SLC2A9: variants seen among roughly 807,000 people sequenced by gnomAD.
The protein encoded by SLC2A9 is solute carrier family 2 member 9.
In SLC2A9, 39 loss-of-function variants were observed where a neutral mutation model predicts 50.6. That is an observed-to-expected ratio of 0.77 (90% CI 0.60 to 1.01). The LOEUF (loss-of-function observed/expected upper bound fraction) is 1.01, where lower values mean the gene tolerates loss of function less well. SLC2A9 is among the 50% of genes least tolerant of loss of function. The probability of loss-of-function intolerance (pLI) is 0.00; values close to 1 mark genes in which losing one functional copy is unlikely to be tolerated. For missense variants in SLC2A9, 686 were observed against 677.6 expected, an observed-to-expected ratio of 1.01 and a Z score of -0.14; for synonymous variants, 324 against 276.9, an observed-to-expected ratio of 1.17 and a Z score of -1.69.
chr4:9,824,931 T>C (rs1047953309), downstream of SLC2A9, among the ~76,000 whole-genome samples: 1 of 152,070 alleles, frequency 6.6e-6, no homozygotes, highest in Admixed American at 6.6e-5. Flanking sequence ...GTGCATTGAG[T>C]TGGCAATTAA....
chr4:9,981,853 C>A (rs1755937039), intron 4 of SLC2A9, among the ~76,000 whole-genome samples: 1 of 152,034 alleles, frequency 6.6e-6, no homozygotes. Context: ...ATCTCAAAAT[C>A]CTTCAGGTTT....
intron 8 of SLC2A9, among the ~76,000 whole-genome samples, chr4:9,900,833 C>G (rs1384194208): frequency 6.6e-6 from 1 of 152,056 alleles, no homozygotes; most frequent in Non-Finnish European, 1.5e-5. Context: ...CTTATAAAAC[C>G]ATCAGCTCTC....
At chr4:9,905,995 G>A (rs1740594091) in intron 8 of SLC2A9, among the ~76,000 whole-genome samples, 1 of 152,142 alleles carries the variant, frequency 6.6e-6, no homozygotes, top group South Asian at 2.1e-4. Context: ...CTCTCCACAA[G>A]GATGTCCATC....
At position 9,941,961 on chromosome 4, in the gene SLC2A9, G is replaced by A; in HGVS notation, c.766C>T (p.Pro256Ser). 1 of 1,614,186 alleles carries A rather than the reference G, an allele frequency of 6.2e-7. No individual in the cohort carries two copies. Residue 256 changes from proline to serine, a missense_variant, in exon 6 of 12, where the codon CCA becomes TCA. Coordinates refer to ENST00000264784, the MANE Select transcript of SLC2A9 (RefSeq NM_020041.3). Reference protein sequence around the residue: ...LLSLPFLPDSPRYLLLEKHNE... With the variant: ...LLSLPFLPDSSRYLLLEKHNE... The stretch of plus-strand genomic sequence containing the variant: ...TGCTTCTCCAAGAGCAGGTAGCGTG[G>A]GCTGTCCGGGAGAAAGGGAAGGCTC...
chr4:10,037,263 T>A (rs1354163762), intron 1 of SLC2A9, among the ~76,000 whole-genome samples: 1 of 152,208 alleles, frequency 6.6e-6, no homozygotes, highest in East Asian at 1.9e-4. Flanking sequence ...ACCACTGAAC[T>A]GTGTTCTGCC....
At chr4:9,785,589 C>A (rs1719115775) in intron 3 of SLC2A9, among the ~76,000 whole-genome samples, 1 of 152,220 alleles carries the variant, frequency 6.6e-6, no homozygotes, top group Admixed American at 6.5e-5. Context: ...TTCTAGGCTC[C>A]AGTTTAAATG....
chr4:9,919,773 G>A (rs1743561093), intron 7 of SLC2A9, among the ~76,000 whole-genome samples: 1 of 152,210 alleles, frequency 6.6e-6, no homozygotes, highest in Non-Finnish European at 1.5e-5. Flanking sequence ...CACTCCATTT[G>A]TCAGAAGCAA....
intron 11 of SLC2A9, among the ~76,000 whole-genome samples, chr4:9,827,006 T>C (rs1197138090): frequency 6.6e-6 from 1 of 152,200 alleles, no homozygotes; most frequent in African/African-American, 2.4e-5. Flanking sequence ...AATGCCTTAG[T>C]TCATAGGAAG....
intron 10 of SLC2A9, among the ~76,000 whole-genome samples, chr4:9,876,046 CAG>C (rs1734269192): frequency 6.6e-6 from 1 of 152,306 alleles, no homozygotes; most frequent in East Asian, 1.9e-4. Flanking sequence ...GCTTTGTCGA[CAG>C]GGGTGAGAAC....
intron 6 of SLC2A9, among the ~76,000 whole-genome samples, chr4:9,921,814 C>G (rs1179108386): frequency 6.6e-6 from 1 of 152,216 alleles, no homozygotes; most frequent in Non-Finnish European, 1.5e-5. Flanking sequence ...GTTCAAAATG[C>G]AACATCTATG....
intron 1 of SLC2A9, among the ~76,000 whole-genome samples, chr4:9,773,424 C>T (rs994901535): frequency 1.3e-5 from 2 of 152,154 alleles, no homozygotes; most frequent in African/African-American, 2.4e-5. Flanking sequence ...AAAACCCCAC[C>T]GATTTTCTTA....
At chr4:9,870,529 T>A (rs1733248577) in intron 10 of SLC2A9, among the ~76,000 whole-genome samples, 1 of 152,196 alleles carries the variant, frequency 6.6e-6, no homozygotes, top group Admixed American at 6.5e-5. Flanking sequence ...AGAGCAGCAT[T>A]TGCTTGGACT....
intron 10 of SLC2A9, among the ~76,000 whole-genome samples, chr4:9,883,174 T>C (rs1735547832): frequency 6.6e-6 from 1 of 151,712 alleles, no homozygotes; most frequent in African/African-American, 2.4e-5. Flanking sequence ...GATTTGAAAA[T>C]CTGACTCTAT....
chr4:10,017,019 C>G (rs922297784), intron 2 of SLC2A9, among the ~76,000 whole-genome samples: 8 of 152,184 alleles, frequency 5.3e-5, no homozygotes, highest in Middle Eastern at 3.2e-3. Context: ...ACAGCCAGGC[C>G]TCTGTGTGTG....
intron 10 of SLC2A9, among the ~76,000 whole-genome samples, chr4:9,871,877 A>G (rs1026130994): frequency 2.0e-5 from 3 of 152,216 alleles, no homozygotes; most frequent in Non-Finnish European, 2.9e-5. Flanking sequence ...CTGGGCTGCC[A>G]TGAGGATTGA....
intron 3 of SLC2A9, among the ~76,000 whole-genome samples, chr4:9,820,630 T>C (rs1436608598): frequency 1.3e-5 from 2 of 152,200 alleles, no homozygotes; most frequent in Non-Finnish European, 2.9e-5. Context: ...TTTTGTAGTT[T>C]TCGGCAGAAA....
At chr4:9,782,228 C>T (rs1217885390) in intron 3 of SLC2A9, 3 of 1,612,932 alleles carry the variant, frequency 1.9e-6, no homozygotes, top group African/African-American at 1.3e-5. Context: ...AGCCATCGTG[C>T]GGAGCCGCCA....
intron 10 of SLC2A9, chr4:9,879,318 G>T: frequency 1.0e-6 from 1 of 985,338 alleles, no homozygotes; most frequent in East Asian, 1.1e-4. Flanking sequence ...GTTGCAAGAG[G>T]GGAAATAGCA....
At chr4:9,872,881 C>T (rs1733682247) in intron 10 of SLC2A9, among the ~76,000 whole-genome samples, 1 of 152,192 alleles carries the variant, frequency 6.6e-6, no homozygotes, top group Admixed American at 6.5e-5. Flanking sequence ...AATTGTGTTT[C>T]TCTATGATTT....
Sources: gnomAD v4.1 joint callset for allele counts (sites outside exome capture counted in the v4.1 genomes callset) on GRCh38, gnomAD v4.1.1 for gene constraint, MANE v1.5 for transcripts, NCBI Gene and HGNC (gene_info 2026-07-23, HGNC 2026-07-21) for gene names.